Variants in ZNF827 observed in about 807,000 individuals in gnomAD.
ZNF827 encodes the protein zinc finger protein 827.
In ZNF827, 13 loss-of-function variants were observed where a neutral mutation model predicts 102.4. The ratio of observed to expected loss-of-function variants is 0.13; its 90% CI spans 0.08 to 0.20. The LOEUF is 0.20. Among genes scored for constraint, ZNF827 ranks in the 10% least tolerant of loss-of-function variants. The pLI, the probability that ZNF827 is intolerant of heterozygous loss-of-function variation, is 1.00. For synonymous variants in ZNF827, 523 were observed against 536.2 expected (o/e 0.98, Z 0.34); for missense variants, 1,103 against 1,344.4 (o/e 0.82, Z 2.81).
intron 4 of ZNF827, among the ~76,000 whole-genome samples, chr4:145,877,830 C>T (rs931425621): frequency 1.3e-5 from 2 of 152,118 alleles, no homozygotes; most frequent in African/African-American, 4.8e-5. Flanking sequence ...ATATCTCCCT[C>T]GTCAAAAGCA....
At chr4:145,771,823 C>T (rs749974776) in intron 11 of ZNF827, among the ~76,000 whole-genome samples, 6 of 152,188 alleles carry the variant, frequency 3.9e-5, no homozygotes, top group African/African-American at 9.6e-5. Context: ...AACAAGATAG[C>T]GTGGCAGATT....
At chr4:145,800,652 A>G (rs1317204400) in intron 8 of ZNF827, among the ~76,000 whole-genome samples, 3 of 152,150 alleles carry the variant, frequency 2.0e-5, no homozygotes, top group African/African-American at 7.2e-5. Flanking sequence ...GTGTTTCTCA[A>G]CGTCAGCACT....
At chr4:145,889,253 CATT>C (rs373192939) in intron 3 of ZNF827, among the ~76,000 whole-genome samples, 137 of 152,228 alleles carry the variant, frequency 9.0e-4, no homozygotes, top group African/African-American at 3.0e-3. Flanking sequence ...TGTAAATAAA[CATT>C]AATGTATATT....
chr4:145,780,172 C>T (rs1223173715), intron 8 of ZNF827, among the ~76,000 whole-genome samples: 2 of 147,758 alleles, frequency 1.4e-5, no homozygotes, highest in Non-Finnish European at 3.0e-5. Context: ...GCCTGGGTGG[C>T]AGAGTGAGAC....
chr4:145,931,407 A>G (rs1222177328), intron 1 of ZNF827, among the ~76,000 whole-genome samples: 1 of 152,244 alleles, frequency 6.6e-6, no homozygotes, highest in African/African-American at 2.4e-5. Context: ...AAGCCAATAT[A>G]GTTATGAAAT....
chr4:145,918,842 G>A (rs185129374), intron 1 of ZNF827, among the ~76,000 whole-genome samples: 11 of 152,320 alleles, frequency 7.2e-5, no homozygotes, highest in Admixed American at 7.2e-4. Flanking sequence ...GAAAGCCACT[G>A]TTTTAGATGA....
intron 4 of ZNF827, among the ~76,000 whole-genome samples, chr4:145,881,340 AT>A (rs1333071785): frequency 6.6e-6 from 1 of 152,212 alleles, no homozygotes; most frequent in Non-Finnish European, 1.5e-5. Flanking sequence ...TTTGGTCTCA[AT>A]TTTACGAAAT....
chr4:145,835,494 A>G (rs1370298607), intron 7 of ZNF827, among the ~76,000 whole-genome samples: 20 of 150,470 alleles, frequency 1.3e-4, no homozygotes, highest in Non-Finnish European at 2.1e-4. Context: ...CCACCTGCCC[A>G]GTTCCCTTAT....
chr4:145,935,283 AACT>A (rs1754078332), intron 1 of ZNF827, among the ~76,000 whole-genome samples: 1 of 152,204 alleles, frequency 6.6e-6, no homozygotes, highest in African/African-American at 2.4e-5. Context: ...TGGGACTTAG[AACT>A]ACAATTATAT....
chr4:145,846,493 C>T (rs61190530), intron 6 of ZNF827, among the ~76,000 whole-genome samples: 7 of 140,632 alleles, frequency 5.0e-5, no homozygotes, highest in Non-Finnish European at 1.1e-4. Context: ...AACAAACAAA[C>T]AAAAAAACAC....
intron 7 of ZNF827, chr4:145,839,531 T>C (rs1258469426): frequency 6.6e-6 from 1 of 152,244 alleles, no homozygotes; most frequent in Non-Finnish European, 1.5e-5. Context: ...ACGATGCTAG[T>C]GAAATGTGGA....
intron 4 of ZNF827, among the ~76,000 whole-genome samples, chr4:145,873,625 C>T (rs1748900480): frequency 6.6e-6 from 1 of 152,212 alleles, no homozygotes; most frequent in Non-Finnish European, 1.5e-5. Context: ...CCATATGAAT[C>T]TGAATCAAAG....
chr4:145,804,321 C>T (rs1350927103), intron 8 of ZNF827, among the ~76,000 whole-genome samples: 1 of 152,200 alleles, frequency 6.6e-6, no homozygotes, highest in Non-Finnish European at 1.5e-5. Flanking sequence ...AGCCTGCCAG[C>T]AAGGAGTGGA....
In ZNF827 at chr4:145,774,709, A is replaced by G. The variant is rs1407639110; in HGVS notation, c.2694-37T>C. On this transcript the variant is annotated intron_variant, in intron 10 of 14. Coordinates refer to ENST00000508784, the MANE Select transcript of ZNF827 (RefSeq NM_001306215.2). ...GGTAAAAGAAAAGAGGGGGAGAGAA[A>G]AGGGTGACACATACTTCTAAATGTA... 3 of 1,600,208 alleles carry G rather than the reference A, an allele frequency of 1.9e-6. No homozygotes were observed. The South Asian group carries it at 3.4e-5, about 18-fold the overall frequency.
At position 145,849,302 on chromosome 4, in the gene ZNF827, T is replaced by G; in HGVS notation, c.2221+20A>C. The G allele has an allele frequency of 6.2e-7, 1 of 1,600,914 alleles. No individual in the cohort carries two copies. The highest frequency in any genetic ancestry group is 8.5e-7 in the Non-Finnish European group (1 of 1,169,758). ...TTCAATGATTTCCAATAATTGACAT[T>G]TTCCTGTGCATAAACATACCTGACA... On this transcript the variant is annotated intron_variant, in intron 6 of 14. Coordinates refer to ENST00000508784, the MANE Select transcript of ZNF827 (RefSeq NM_001306215.2).
At chr4:145,889,416 C>T (rs770258016) in intron 3 of ZNF827, among the ~76,000 whole-genome samples, 4 of 152,116 alleles carry the variant, frequency 2.6e-5, no homozygotes, top group Non-Finnish European at 5.9e-5. Flanking sequence ...TTATTATCTC[C>T]ATTAGTGGAA....
rs140296430 is a variant in ZNF827, at chr4:145,775,839, G to A, written c.2643C>T (p.Ser881=). The A allele has an allele frequency of 2.0e-5, 33 of 1,614,034 alleles. No individual in the cohort carries two copies. The highest frequency in any genetic ancestry group is 1.1e-4 in the South Asian group (10 of 91,076). ...CATCACTGCCTTCAGAGGTGACGGC[G>A]CTGACAATGTCCTCGGTGTCTGTAC... is the stretch of plus-strand genomic sequence containing the variant. ...LVSTDTEDIV[S]AVTSEGSDGK... is the part of the protein sequence containing the mutation. Residue 881 remains serine, a synonymous_variant, in exon 10 of 15, where the codon AGC becomes AGT. Coordinates refer to ENST00000508784, the MANE Select transcript of ZNF827 (RefSeq NM_001306215.2).
At chr4:145,779,646 G>T in intron 8 of ZNF827, 135 bp from the exon 9 acceptor site, 1 of 1,237,280 alleles carries the variant, frequency 8.1e-7, no homozygotes, top group Non-Finnish European at 1.1e-6. Flanking sequence ...CTCCGTAACT[G>T]GTTTTCCTGC....
At chr4:145,861,331 G>A (rs1747710520) in intron 5 of ZNF827, among the ~76,000 whole-genome samples, 1 of 152,128 alleles carries the variant, frequency 6.6e-6, no homozygotes, top group Admixed American at 6.5e-5. Context: ...AAAGGCCGCT[G>A]GGAGGAACCT....
Sources: gnomAD v4.1 joint callset for allele counts (sites outside exome capture counted in the v4.1 genomes callset) on GRCh38, gnomAD v4.1.1 for gene constraint, MANE v1.5 for transcripts, NCBI Gene and HGNC (gene_info 2026-07-23, HGNC 2026-07-21) for gene names.